CCSER1: variants seen among roughly 807,000 people sequenced by gnomAD.
CCSER1 encodes the protein coiled-coil serine rich protein 1.
A neutral mutation model predicts 82.0 loss-of-function variants in CCSER1; 41 were observed. That is an observed-to-expected ratio of 0.50 (90% CI 0.39 to 0.65). The LOEUF (loss-of-function observed/expected upper bound fraction) is 0.65, where lower values mean the gene tolerates loss of function less well. Ranked by LOEUF, CCSER1 falls within the 30% of genes least tolerant of loss-of-function variation. The probability of loss-of-function intolerance (pLI) is 0.00; values close to 1 mark genes in which losing one functional copy is unlikely to be tolerated. For synonymous variants in CCSER1, 414 were observed against 383.9 expected (o/e 1.08, Z -0.92); for missense variants, 1,119 against 1,064.2 (o/e 1.05, Z -0.72).
At chr4:90,930,594 C>A (rs1172620080) in intron 9 of CCSER1, among the ~76,000 whole-genome samples, 1 of 149,950 alleles carries the variant, frequency 6.7e-6, no homozygotes, top group East Asian at 2.0e-4. Flanking sequence ...GCCTGGGAGA[C>A]AGAGAGAGAC....
chr4:91,544,532 T>A (rs1761779887), intron 10 of CCSER1, among the ~76,000 whole-genome samples: 1 of 152,204 alleles, frequency 6.6e-6, no homozygotes, highest in Non-Finnish European at 1.5e-5. Context: ...CTTCTAACAG[T>A]CAGCACCCTC....
chr4:90,290,720 C>CTATAG (rs1730773634), intron 1 of CCSER1, among the ~76,000 whole-genome samples: 1 of 151,822 alleles, frequency 6.6e-6, no homozygotes, highest in Non-Finnish European at 1.5e-5. Context: ...TTCCTGTGAA[C>CTATAG]TATAGTGATT....
chr4:90,833,465 T>C (rs1289472502), intron 8 of CCSER1, among the ~76,000 whole-genome samples: 1 of 152,188 alleles, frequency 6.6e-6, no homozygotes, highest in African/African-American at 2.4e-5. Context: ...TCTGAAGTTA[T>C]GGAGCCTACA....
At chr4:91,108,151 A>G (rs1274165595) in intron 10 of CCSER1, 5 of 152,204 alleles carry the variant, frequency 3.3e-5, no homozygotes, top group African/African-American at 4.8e-5. Context: ...ACAGTTCTCT[A>G]TATATTACTG....
chr4:90,351,720 A>G (rs1743474088), intron 3 of CCSER1, among the ~76,000 whole-genome samples: 1 of 152,236 alleles, frequency 6.6e-6, no homozygotes, highest in African/African-American at 2.4e-5. Context: ...TGAAACACAC[A>G]CACATTCTTC....
At chr4:91,078,730 C>A (rs1722321670) in intron 9 of CCSER1, among the ~76,000 whole-genome samples, 1 of 152,106 alleles carries the variant, frequency 6.6e-6, no homozygotes, top group Admixed American at 6.6e-5. Context: ...GTAGAGAAGT[C>A]CTTAAATGAC....
chr4:91,114,924 G>A (rs1726413532), intron 10 of CCSER1, among the ~76,000 whole-genome samples: 1 of 152,122 alleles, frequency 6.6e-6, no homozygotes, highest in African/African-American at 2.4e-5. Flanking sequence ...AATTAATGTA[G>A]TCATGGAAAC....
chr4:90,457,053 G>A (rs187962656), intron 4 of CCSER1, among the ~76,000 whole-genome samples: 16 of 152,276 alleles, frequency 1.1e-4, no homozygotes, highest in African/African-American at 3.1e-4. Flanking sequence ...GTAAGCGAGC[G>A]ATCCCAGGGT....
At chr4:90,278,424 C>T (rs1295316847) in intron 1 of CCSER1, among the ~76,000 whole-genome samples, 2 of 152,016 alleles carry the variant, frequency 1.3e-5, no homozygotes, top group East Asian at 3.9e-4. Context: ...ATAGAATCAT[C>T]CCTGGGGCCC....
At chr4:90,760,779 A>G (rs1750302685) in intron 7 of CCSER1, among the ~76,000 whole-genome samples, 1 of 152,114 alleles carries the variant, frequency 6.6e-6, no homozygotes, top group African/African-American at 2.4e-5. Context: ...TCTCTCACTT[A>G]TGAGTTAGTT....
intron 10 of CCSER1, among the ~76,000 whole-genome samples, chr4:91,147,546 G>C (rs563944660): frequency 2.6e-5 from 4 of 152,282 alleles, no homozygotes; most frequent in Admixed American, 2.0e-4. Flanking sequence ...GATAGTGGGG[G>C]CTCCTCCTCC....
At chr4:90,696,014 GAAAT>G (rs1392027708) in intron 6 of CCSER1, among the ~76,000 whole-genome samples, 2 of 151,896 alleles carry the variant, frequency 1.3e-5, no homozygotes, top group Non-Finnish European at 2.9e-5. Context: ...GCATGTTCTT[GAAAT>G]AAATACTTTT....
At chr4:91,385,752 T>C (rs1251433061) in intron 10 of CCSER1, among the ~76,000 whole-genome samples, 1 of 151,882 alleles carries the variant, frequency 6.6e-6, no homozygotes, top group East Asian at 1.9e-4. Flanking sequence ...GTTTTCTTAT[T>C]TTAGTGGTAT....
intron 4 of CCSER1, among the ~76,000 whole-genome samples, chr4:90,467,015 G>A (rs747812554): frequency 6.6e-6 from 1 of 152,306 alleles, no homozygotes; most frequent in South Asian, 2.1e-4. Context: ...AAGCCACACA[G>A]CTATGAGAAT....
intron 8 of CCSER1, among the ~76,000 whole-genome samples, chr4:90,862,600 G>GA (rs1405963368): frequency 6.6e-6 from 1 of 151,914 alleles, no homozygotes; most frequent in Non-Finnish European, 1.5e-5. Flanking sequence ...AGGATTTTGT[G>GA]ATGGCAGCTT....
In CCSER1 at chr4:90,169,365, G is replaced by C. The variant is rs183298229; in HGVS notation, c.-42+41534G>C. On this transcript the variant is annotated intron_variant, in intron 1 of 10. Coordinates refer to ENST00000509176, the MANE Select transcript of CCSER1 (RefSeq NM_001145065.2). ...TTGCTGAAGTTGCCTATCAGCTTAA[G>C]GAGATTTTGGGCTGAGACGATGGGG... Among the ~76,000 whole-genome samples the C allele has an allele frequency of 5.1e-3, 776 of 152,218 alleles. 8 individuals carry two copies. The highest frequency in any genetic ancestry group is 0.018 in the African/African-American group (751 of 41,550).
chr4:91,198,056 C>T (rs1329906066), intron 10 of CCSER1, among the ~76,000 whole-genome samples: 2 of 152,074 alleles, frequency 1.3e-5, no homozygotes, highest in South Asian at 2.1e-4. Flanking sequence ...TTTAAAAGAT[C>T]AATTCAAGCC....
intron 7 of CCSER1, among the ~76,000 whole-genome samples, chr4:90,732,304 G>A (rs562604927): frequency 2.6e-5 from 4 of 152,098 alleles, no homozygotes; most frequent in South Asian, 4.2e-4. Context: ...AGAGTGTGTC[G>A]ACAGTCCCTA....
At chr4:91,115,842 T>TATATAC (rs1561560787) in intron 10 of CCSER1, among the ~76,000 whole-genome samples, 1 of 90,210 alleles carries the variant, frequency 1.1e-5, no homozygotes, top group African/African-American at 4.7e-5. Context: ...TCCATTCTTT[T>TATATAC]ATATATATAT....
Sources: gnomAD v4.1 joint callset for allele counts (sites outside exome capture counted in the v4.1 genomes callset) on GRCh38, gnomAD v4.1.1 for gene constraint, MANE v1.5 for transcripts, NCBI Gene and HGNC (gene_info 2026-07-23, HGNC 2026-07-21) for gene names.